ADGRB3: variants seen among roughly 807,000 people sequenced by gnomAD.
The protein encoded by ADGRB3 is adhesion G protein-coupled receptor B3, also known as brain-specific angiogenesis inhibitor 3.
ADGRB3 carries 37 observed loss-of-function variants against 193.4 expected under a neutral mutation model. That is an observed-to-expected ratio of 0.19 (90% CI 0.15 to 0.25). ADGRB3 has a LOEUF of 0.25. Among genes scored for constraint, ADGRB3 ranks in the 10% least tolerant of loss-of-function variants. ADGRB3 has a pLI of 1.00. For synonymous variants in ADGRB3, 690 were observed against 644.2 expected (o/e 1.07, Z -1.08); for missense variants, 1,637 against 1,852.9 (o/e 0.88, Z 2.14).
intron 20 of ADGRB3, among the ~76,000 whole-genome samples, chr6:69,296,859 A>G (rs577456743): frequency 6.6e-6 from 1 of 152,174 alleles, no homozygotes; most frequent in South Asian, 2.1e-4. Flanking sequence ...CTCATTCCAT[A>G]CTAGGATTGA....
At position 68,950,864 on chromosome 6, in the gene ADGRB3, A is replaced by C. The variant is rs116833098; in HGVS notation, c.1196-5160A>C. On this transcript the variant is annotated intron_variant, in intron 6 of 31. Coordinates refer to ENST00000370598, the MANE Select transcript of ADGRB3 (RefSeq NM_001704.3). ...TTCTTGCCCCTGTACCATCCGTTCT[A>C]CACAAAACCACAATATTAGGTTTTA... Among the ~76,000 whole-genome samples, 69 of 152,296 alleles carry C rather than the reference A, an allele frequency of 4.5e-4. 1 individual carries two copies. Among genetic ancestry groups the C allele is most frequent in the African/African-American group, 1.6e-3 (68 of 41,562 alleles).
At position 68,661,461 on chromosome 6, in the gene ADGRB3, GTGTGTATATATA is replaced by G. The variant is rs1300111208; in HGVS notation, c.757+22038_757+22049del. Reference sequence around the variant, plus strand: ...TATATATGTGTGTATACATATATATGTGTGTATATATATGTGTATACATATATATATGTGTGT... The same window carrying G: ...TATATATGTGTGTATACATATATATGTGTGTATACATATATATATGTGTGT... On this transcript the variant is annotated intron_variant, in intron 3 of 31. Transcript: ENST00000370598. Among the ~76,000 whole-genome samples the G allele has an allele frequency of 4.1e-4, 51 of 123,446 alleles. 3 individuals carry two copies. The highest frequency in any genetic ancestry group is 2.9e-3 in the Admixed American group (32 of 11,032). The allele number at this position is 123,446 out of a possible 152,430, so 81.0% of individuals were successfully genotyped here. A position where few individuals can be genotyped will look rare whatever the true frequency, so the allele number is the denominator to read the frequency against.
At chr6:68,766,119 T>C (rs1456834139) in intron 3 of ADGRB3, among the ~76,000 whole-genome samples, 1 of 151,998 alleles carries the variant, frequency 6.6e-6, no homozygotes, top group Admixed American at 6.6e-5. Flanking sequence ...GTAAATTATT[T>C]TGGTTGGCCA....
At position 68,956,177 on chromosome 6, in the gene ADGRB3, C is replaced by T. The variant is rs1768066005; in HGVS notation, c.1349C>T (p.Pro450Leu). Residue 450 changes from proline (P) to leucine (L), a missense_variant, in exon 7 of 32, where the codon CCT becomes CTT. Pro to Leu is a moderately conservative substitution (Grantham distance 98). Transcript: ENST00000370598. ...GCAGAAAGCAGAGAGTGCTATAACC[C>T]TGAATGTACAGGTAGGGCTTGATTC... ...PWAESRECYN[P>L]ECTANGQWNQ... The T allele has an allele frequency of 1.9e-6, 3 of 1,611,132 alleles. No individual in the cohort carries two copies. The highest frequency in any genetic ancestry group is 2.2e-5 in the South Asian group (2 of 90,758).
chr6:68,723,560 G>C (rs2056964607), intron 3 of ADGRB3, among the ~76,000 whole-genome samples: 1 of 151,696 alleles, frequency 6.6e-6, no homozygotes. Context: ...AGAGAAGGAA[G>C]TCAAATGCTG....
chr6:69,038,817 A>T (rs1770948406), intron 13 of ADGRB3, among the ~76,000 whole-genome samples: 1 of 152,226 alleles, frequency 6.6e-6, no homozygotes, highest in Admixed American at 6.5e-5. Flanking sequence ...ATCTTCAAAA[A>T]TAGCCTGTTC....
chr6:69,170,604 G>T (rs181614701), intron 17 of ADGRB3, among the ~76,000 whole-genome samples: 1 of 152,250 alleles, frequency 6.6e-6, no homozygotes, highest in East Asian at 1.9e-4. Flanking sequence ...AAAGCAGGAG[G>T]TCTATAGAAG....
chr6:68,902,018 T>C (rs1227096738), intron 3 of ADGRB3, among the ~76,000 whole-genome samples: 2 of 152,182 alleles, frequency 1.3e-5, no homozygotes, highest in Non-Finnish European at 2.9e-5. Flanking sequence ...TTAAGAACTA[T>C]TATGAAATGG....
At chr6:68,731,805 CAT>C (rs1001357257) in intron 3 of ADGRB3, among the ~76,000 whole-genome samples, 1 of 151,480 alleles carries the variant, frequency 6.6e-6, no homozygotes, top group Non-Finnish European at 1.5e-5. Flanking sequence ...GATTTATAGA[CAT>C]GTGAATCATA....
chr6:68,929,691 CCACTTTTCAGT>C (rs1217667706), intron 3 of ADGRB3, among the ~76,000 whole-genome samples: 1 of 152,074 alleles, frequency 6.6e-6, no homozygotes, highest in Non-Finnish European at 1.5e-5. Flanking sequence ...TTTAGTAAAA[CCACTTTTCAGT>C]CACAGTTCAA....
At chr6:69,376,900 T>C (rs755663912) in intron 30 of ADGRB3, among the ~76,000 whole-genome samples, 11 of 152,082 alleles carry the variant, frequency 7.2e-5, no homozygotes, top group Non-Finnish European at 1.5e-4. Context: ...ATACTCATGA[T>C]TGACAGTGGC....
intron 17 of ADGRB3, among the ~76,000 whole-genome samples, chr6:69,195,192 A>G (rs1451906777): frequency 2.6e-5 from 4 of 152,076 alleles, no homozygotes; most frequent in African/African-American, 9.7e-5. Flanking sequence ...TAATGGAAAT[A>G]TTTCAAAATT....
chr6:68,860,926 C>G (rs1414599645), intron 3 of ADGRB3, among the ~76,000 whole-genome samples: 1 of 152,016 alleles, frequency 6.6e-6, no homozygotes, highest in Non-Finnish European at 1.5e-5. Context: ...AAAACTCAAC[C>G]AGTGGTAGTT....
chr6:69,234,974 AG>A, intron 18 of ADGRB3, 57 bp from the exon 19 acceptor site: 1 of 1,355,358 alleles, frequency 7.4e-7, no homozygotes, highest in Non-Finnish European at 1.1e-6. Flanking sequence ...TGAGTCTAGA[AG>A]TTATTTTAAT....
At chr6:69,191,108 C>A (rs1016026957) in intron 17 of ADGRB3, among the ~76,000 whole-genome samples, 1 of 152,174 alleles carries the variant, frequency 6.6e-6, no homozygotes, top group Non-Finnish European at 1.5e-5. Context: ...CCTATCTGAT[C>A]TTCTCAAGTG....
At chr6:68,663,317 T>C (rs1314024884) in intron 3 of ADGRB3, among the ~76,000 whole-genome samples, 2 of 151,588 alleles carry the variant, frequency 1.3e-5, no homozygotes, top group Non-Finnish European at 3.0e-5. Flanking sequence ...TGAATCAAGC[T>C]TTCATTTAGA....
intron 21 of ADGRB3, among the ~76,000 whole-genome samples, chr6:69,326,013 G>C (rs192707206): frequency 6.6e-6 from 1 of 152,148 alleles, no homozygotes. Context: ...ACCTGAGCGC[G>C]GGTGGACTAC....
intron 3 of ADGRB3, among the ~76,000 whole-genome samples, chr6:68,783,323 A>AAT (rs996698256): frequency 3.0e-4 from 44 of 146,880 alleles, no homozygotes; most frequent in African/African-American, 4.4e-4. Context: ...ACATATATAT[A>AAT]ATATATATAT....
chr6:68,883,487 C>T (rs7768205), intron 3 of ADGRB3, among the ~76,000 whole-genome samples: 3 of 152,164 alleles, frequency 2.0e-5, no homozygotes, highest in South Asian at 2.1e-4. Context: ...GCTTCTCGCT[C>T]ATTGGGTCTG....
Sources: gnomAD v4.1 joint callset for allele counts (sites outside exome capture counted in the v4.1 genomes callset) on GRCh38, gnomAD v4.1.1 for gene constraint, MANE v1.5 for transcripts, NCBI Gene and HGNC (gene_info 2026-07-23, HGNC 2026-07-21) for gene names.